ADAMTS9: variants seen among roughly 807,000 people sequenced by gnomAD.
The protein encoded by ADAMTS9 is ADAM metallopeptidase with thrombospondin type 1 motif 9.
Under a neutral mutation model 257.1 loss-of-function variants are expected in ADAMTS9, and 107 were observed. The ratio of observed to expected loss-of-function variants is 0.42; its 90% CI spans 0.36 to 0.49. The LOEUF is 0.49. Ranked by LOEUF, ADAMTS9 falls within the 20% of genes least tolerant of loss-of-function variation. ADAMTS9 has a pLI of 0.03. For missense variants in ADAMTS9, 2,353 were observed against 2,469.1 expected, an observed-to-expected ratio of 0.95 and a Z score of 1.00; for synonymous variants, 982 against 880.9, an observed-to-expected ratio of 1.11 and a Z score of -2.03.
intron 33 of ADAMTS9, 46 bp downstream of exon 33, chr3:64,541,792 C>A (rs746717658): frequency 1.3e-5 from 21 of 1,609,882 alleles, no homozygotes; most frequent in Non-Finnish European, 1.8e-5. Flanking sequence ...ACAAAGACAT[C>A]CTGTTCTTCA....
rs892605535 is a variant in ADAMTS9, at chr3:64,584,923, T to C, written c.4356+9335A>G. Among the ~76,000 whole-genome samples the C allele has an allele frequency of 5.9e-5, 9 of 152,210 alleles. No homozygotes were observed. In the East Asian group the frequency reaches 9.6e-4, roughly 16 times the overall value. ...TAAGTCAGGATATCATCATTATTAATACAACAGCACTAAATAATCCTATGC... is the reference window on the plus strand; with the variant it reads ...TAAGTCAGGATATCATCATTATTAACACAACAGCACTAAATAATCCTATGC... On this transcript the variant is annotated intron_variant, in intron 28 of 39. Coordinates refer to ENST00000498707, the MANE Select transcript of ADAMTS9 (RefSeq NM_182920.2).
At chr3:64,546,225 G>C (rs2083196973) in intron 32 of ADAMTS9, among the ~76,000 whole-genome samples, 1 of 151,752 alleles carries the variant, frequency 6.6e-6, no homozygotes, top group Admixed American at 6.6e-5. Flanking sequence ...GGGACCAGCA[G>C]TATTTTGCAT....
At chr3:64,652,404 T>C (rs1700952885) in intron 8 of ADAMTS9, among the ~76,000 whole-genome samples, 1 of 152,240 alleles carries the variant, frequency 6.6e-6, no homozygotes. Flanking sequence ...ATCTATTTTC[T>C]TAAAAGAACG....
intron 22 of ADAMTS9, among the ~76,000 whole-genome samples, chr3:64,608,125 A>G (rs1424081897): frequency 6.6e-6 from 1 of 151,892 alleles, no homozygotes; most frequent in East Asian, 1.9e-4. Flanking sequence ...ATGCAATGAA[A>G]GCAATGTTCA....
At chr3:64,657,509 G>GT (rs71102809) in intron 4 of ADAMTS9, among the ~76,000 whole-genome samples, 47,101 of 146,720 alleles carry the variant, frequency 0.32, 7,794 homozygotes, top group African/African-American at 0.43. Context: ...TGGCTAATTG[G>GT]TTTTTTTTTT....
chr3:64,635,039 A>G (rs1183671280), intron 12 of ADAMTS9, among the ~76,000 whole-genome samples: 4 of 152,158 alleles, frequency 2.6e-5, no homozygotes, highest in African/African-American at 9.7e-5. Flanking sequence ...ATAAGTGCAC[A>G]TAGTAGATGC....
intron 4 of ADAMTS9, among the ~76,000 whole-genome samples, chr3:64,657,205 G>A (rs1208305276): frequency 6.6e-6 from 1 of 152,192 alleles, no homozygotes; most frequent in Non-Finnish European, 1.5e-5. Context: ...AGCTCAAATT[G>A]AGGTATGCTG....
chr3:64,528,102 T>C (rs566282424), intron 38 of ADAMTS9, among the ~76,000 whole-genome samples: 169 of 152,212 alleles, frequency 1.1e-3, no homozygotes, highest in Non-Finnish European at 1.3e-3. Context: ...GTGGCCCTAG[T>C]TCTTCCCTGA....
chr3:64,609,567 C>A (rs1414732300), intron 22 of ADAMTS9, among the ~76,000 whole-genome samples: 1 of 151,802 alleles, frequency 6.6e-6, no homozygotes, highest in Non-Finnish European at 1.5e-5. Flanking sequence ...TAGGAACAAG[C>A]TTAAACAAGG....
intron 19 of ADAMTS9, among the ~76,000 whole-genome samples, chr3:64,617,210 T>C (rs11923848): frequency 0.48 from 72,590 of 152,010 alleles, 17,711 homozygotes; most frequent in African/African-American, 0.57. Flanking sequence ...TGGCCCAATT[T>C]AACAGAAGCA....
chr3:64,649,882 C>T, intron 9 of ADAMTS9, 104 bp from the exon 10 acceptor site: 3 of 1,350,016 alleles, frequency 2.2e-6, no homozygotes, highest in Non-Finnish European at 2.0e-6. Context: ...GTAGAGAGGA[C>T]AGTTACTTTT....
chr3:64,622,575 T>C lies in ADAMTS9; in HGVS notation c.2401A>G (p.Ser801Gly), dbSNP rs1185590945. Residue 801 changes from serine to glycine, a missense_variant, in exon 17 of 40, where the codon AGT (serine) becomes GGT (glycine). By Grantham distance (56) the Ser-to-Gly change is moderately conservative (BLOSUM62 0). Transcript: ENST00000498707. ...DDDNYLALSSSKGEFLLNGNF... is the reference protein window; with the variant it reads ...DDDNYLALSSGKGEFLLNGNF... The stretch of plus-strand genomic sequence containing the variant: ...CCATTTAGCAAGAATTCACCTTTAC[T>C]GCTTGATAAAGCTGTAGGTGAAGAA... The C allele has an allele frequency of 1.9e-6, 3 of 1,613,920 alleles. No homozygotes were observed. Among genetic ancestry groups the C allele is most frequent in the Non-Finnish European group, 2.5e-6 (3 of 1,179,944 alleles).
intron 3 of ADAMTS9, among the ~76,000 whole-genome samples, chr3:64,678,344 C>G (rs1364880061): frequency 6.6e-6 from 1 of 152,196 alleles, no homozygotes; most frequent in Non-Finnish European, 1.5e-5. Context: ...TGTAGAAAGT[C>G]AAGTCCACAG....
At chr3:64,566,098 C>T (rs1168483984) in intron 29 of ADAMTS9, among the ~76,000 whole-genome samples, 3 of 152,170 alleles carry the variant, frequency 2.0e-5, no homozygotes, top group African/African-American at 4.8e-5. Flanking sequence ...GCTGTAACTA[C>T]CAGCAGAAAA....
intron 26 of ADAMTS9, among the ~76,000 whole-genome samples, chr3:64,598,300 C>A (rs1003849003): frequency 6.7e-6 from 1 of 150,084 alleles, no homozygotes; most frequent in Non-Finnish European, 1.5e-5. Flanking sequence ...TACTCTAAAT[C>A]TCAAAATATT....
rs1161369399 is a variant in ADAMTS9, at chr3:64,651,168, A to G, written c.1317-5T>C. 54 of 1,565,688 alleles carry G rather than the reference A, an allele frequency of 3.4e-5. No individual in the cohort carries two copies. Among genetic ancestry groups the G allele is most frequent in the Non-Finnish European group, 4.2e-5 (49 of 1,162,832 alleles). Reference sequence around the variant, plus strand: ...TCATCATGAGGCATGTTAAACCTAAAGCCAATGAGACAATGATGAGAATGT... The same window carrying G: ...TCATCATGAGGCATGTTAAACCTAAGGCCAATGAGACAATGATGAGAATGT... On this transcript the variant is annotated splice_region_variant and splice_polypyrimidine_tract_variant and intron_variant, in intron 8 of 39. Coordinates refer to ENST00000498707, the MANE Select transcript of ADAMTS9 (RefSeq NM_182920.2).
intron 38 of ADAMTS9, among the ~76,000 whole-genome samples, chr3:64,527,697 A>G (rs547053147): frequency 6.6e-6 from 1 of 152,270 alleles, no homozygotes; most frequent in South Asian, 2.1e-4. Context: ...TTATGTATAT[A>G]TGAACATATG....
intron 28 of ADAMTS9, among the ~76,000 whole-genome samples, chr3:64,577,432 A>G (rs558084164): frequency 6.6e-6 from 1 of 152,342 alleles, no homozygotes; most frequent in Non-Finnish European, 1.5e-5. Context: ...GGCGAAGATA[A>G]TACAAGGACC....
At chr3:64,677,831 G>C (rs1701659136) in intron 3 of ADAMTS9, among the ~76,000 whole-genome samples, 1 of 152,180 alleles carries the variant, frequency 6.6e-6, no homozygotes, top group African/African-American at 2.4e-5. Flanking sequence ...GCACAGAGAA[G>C]TTGCTCAATA....
Sources: allele counts gnomAD v4.1 joint callset (sites outside exome capture counted in the v4.1 genomes callset), GRCh38; gene constraint gnomAD v4.1.1; transcripts MANE v1.5; gene names NCBI Gene and HGNC (gene_info 2026-07-23, HGNC 2026-07-21).